BANF2: variants seen among roughly 807,000 people sequenced by gnomAD.
BANF2 encodes barrier-to-autointegration factor-like protein.
A neutral mutation model predicts 8.0 loss-of-function variants in BANF2; 4 were observed. The observed-to-expected ratio is 0.50, with a 90% CI of 0.25 to 1.14. The LOEUF (loss-of-function observed/expected upper bound fraction) is 1.14, where lower values mean the gene tolerates loss of function less well. Among genes scored for constraint, BANF2 ranks in the 50% most tolerant of loss-of-function variants. The pLI, the probability that BANF2 is intolerant of heterozygous loss-of-function variation, is 0.16. For synonymous variants in BANF2, 50 were observed against 40.6 expected (o/e 1.23, Z -0.88); for missense variants, 96 against 107.5 (o/e 0.89, Z 0.47).
chr20:17,695,029 C>G (rs566500254), upstream of BANF2, among the ~76,000 whole-genome samples: 1 of 152,062 alleles, frequency 6.6e-6, no homozygotes, highest in Non-Finnish European at 1.5e-5. Flanking sequence ...GGTCATAAAA[C>G]GAGGAAGTAG....
At chr20:17,716,902 C>T (rs912976777) in intron 1 of BANF2, among the ~76,000 whole-genome samples, 9 of 149,472 alleles carry the variant, frequency 6.0e-5, no homozygotes, top group Admixed American at 1.3e-4. Flanking sequence ...AAAAGAGAGA[C>T]GGGGTCTCAC....
upstream of BANF2, among the ~76,000 whole-genome samples, chr20:17,699,046 C>A (rs578208142): frequency 6.6e-6 from 1 of 152,336 alleles, no homozygotes; most frequent in East Asian, 1.9e-4. Context: ...TCCCCCAGAC[C>A]TAATGAGTCA....
intron 1 of BANF2, among the ~76,000 whole-genome samples, chr20:17,706,431 A>C (rs1882575969): frequency 6.6e-6 from 1 of 152,194 alleles, no homozygotes; most frequent in Admixed American, 6.5e-5. Flanking sequence ...TGAGCTTAAC[A>C]CGAAGGATTC....
chr20:17,696,024 GATTA>G (rs1325864998), upstream of BANF2, among the ~76,000 whole-genome samples: 1 of 152,164 alleles, frequency 6.6e-6, no homozygotes, highest in African/African-American at 2.4e-5. Context: ...TTTTGTTGCT[GATTA>G]ATATTTCATT....
intron 1 of BANF2, among the ~76,000 whole-genome samples, chr20:17,720,901 C>T (rs1049640729): frequency 3.3e-5 from 5 of 152,228 alleles, no homozygotes; most frequent in African/African-American, 1.2e-4. Context: ...AGCAGTGTCA[C>T]ATCTGCTTGG....
In BANF2 at chr20:17,716,384, G is replaced by A. The variant is rs1476698975; in HGVS notation, c.-166-6332G>A. Reference sequence around the variant, plus strand: ...GAGACAGGGTCTCCCCTAGGCTGGAGTGCAGTGGTACGACCACGGCTCACT... The same window carrying A: ...GAGACAGGGTCTCCCCTAGGCTGGAATGCAGTGGTACGACCACGGCTCACT... On this transcript the variant is annotated intron_variant, in intron 1 of 3. Coordinates refer to ENST00000246090, the MANE Select transcript of BANF2 (RefSeq NM_178477.5). Among the ~76,000 whole-genome samples, 4 of 152,014 alleles carry A rather than the reference G, an allele frequency of 2.6e-5. No individual in the cohort carries two copies. The East Asian group carries it at 5.8e-4, about 22-fold the overall frequency.
At chr20:17,730,948 G>A (rs1206458012) in intron 3 of BANF2, among the ~76,000 whole-genome samples, 1 of 152,210 alleles carries the variant, frequency 6.6e-6, no homozygotes, top group East Asian at 1.9e-4. Context: ...GGAAGAAGGG[G>A]TAAACATTCC....
At chr20:17,732,273 A>T (rs1023739660) in intron 3 of BANF2, among the ~76,000 whole-genome samples, 2 of 152,184 alleles carry the variant, frequency 1.3e-5, no homozygotes, top group Non-Finnish European at 2.9e-5. Flanking sequence ...CGCAAACTGG[A>T]GGGTGATTCC....
At chr20:17,694,599 CTCTTTTTTT>C (rs1156940262) in intron 1 of BANF2, among the ~76,000 whole-genome samples, 1,703 of 82,430 alleles carry the variant, frequency 0.021, 45 homozygotes, top group African/African-American at 0.076. Context: ...TTTTTTCTCT[CTCTTTTTTT>C]TTTTTTTTTT....
intron 1 of BANF2, among the ~76,000 whole-genome samples, chr20:17,702,601 G>C (rs778822425): frequency 6.6e-6 from 1 of 152,148 alleles, no homozygotes; most frequent in Non-Finnish European, 1.5e-5. Context: ...GATAGGACCC[G>C]TGTGCAACTG....
intron 1 of BANF2, among the ~76,000 whole-genome samples, chr20:17,710,939 C>T (rs531459550): frequency 2.2e-4 from 5 of 22,542 alleles, no homozygotes; most frequent in South Asian, 1.5e-3. Context: ...AGTGTTGGGG[C>T]GGGGGCGGGG....
At chr20:17,716,892 A>AAAAGAGAG (rs1415261843) in intron 1 of BANF2, among the ~76,000 whole-genome samples, 1 of 151,674 alleles carries the variant, frequency 6.6e-6, no homozygotes, top group Admixed American at 6.6e-5. Flanking sequence ...AAAGAAAAAG[A>AAAAGAGAG]AAAGAGAGAC....
At chr20:17,716,520 G>A (rs2037654776) in intron 1 of BANF2, among the ~76,000 whole-genome samples, 1 of 151,834 alleles carries the variant, frequency 6.6e-6, no homozygotes. Flanking sequence ...AGACAAGGTT[G>A]TGGCATGTTG....
chr20:17,703,274 T>A (rs1471897581), intron 1 of BANF2, among the ~76,000 whole-genome samples: 1 of 152,228 alleles, frequency 6.6e-6, no homozygotes, highest in Non-Finnish European at 1.5e-5. Context: ...TGTGTTTTCT[T>A]GTCTACTGCC....
In BANF2 at chr20:17,734,160, G is replaced by C. The variant is rs144980733; in HGVS notation, c.127-1505G>C. Among the ~76,000 whole-genome samples, 213 of 152,272 alleles carry C rather than the reference G, an allele frequency of 1.4e-3. 2 individuals carry two copies. In the East Asian group the frequency reaches 0.026, roughly 19 times the overall value. ...TGGTCCTTGTGCCTTGTCAATAATG[G>C]TGTAATAAAACTATAAAAGATGAAT... On this transcript the variant is annotated intron_variant, in intron 3 of 3. Coordinates refer to ENST00000246090, the MANE Select transcript of BANF2 (RefSeq NM_178477.5).
chr20:17,711,263 G>A (rs58790841), intron 1 of BANF2, among the ~76,000 whole-genome samples: 32,003 of 152,048 alleles, frequency 0.21, 3,620 homozygotes, highest in East Asian at 0.43. Flanking sequence ...CTCCCCCGGG[G>A]CCCCCCTCCA....
intron 3 of BANF2, among the ~76,000 whole-genome samples, chr20:17,726,340 C>T (rs1003806512): frequency 6.6e-6 from 1 of 152,092 alleles, no homozygotes; most frequent in African/African-American, 2.4e-5. Flanking sequence ...TGTGTGCCAC[C>T]ATGCCTGGTT....
intron 1 of BANF2, among the ~76,000 whole-genome samples, chr20:17,719,140 T>C (rs2037694884): frequency 6.6e-6 from 1 of 152,132 alleles, no homozygotes; most frequent in African/African-American, 2.4e-5. Context: ...GTTTTGTTTT[T>C]TGAGATGGAG....
At chr20:17,727,609 C>T (rs759425926) in intron 3 of BANF2, among the ~76,000 whole-genome samples, 7 of 152,072 alleles carry the variant, frequency 4.6e-5, no homozygotes, top group Admixed American at 2.0e-4. Context: ...GATGGGCAAG[C>T]GCTTCAAGGT....
Sources: gnomAD v4.1 joint callset for allele counts (sites outside exome capture counted in the v4.1 genomes callset) on GRCh38, gnomAD v4.1.1 for gene constraint, MANE v1.5 for transcripts, NCBI Gene and HGNC (gene_info 2026-07-23, HGNC 2026-07-21) for gene names.